The following CTNND2 variants were observed in gnomAD, a reference collection of about 807,000 sequenced individuals.
CTNND2 encodes the protein catenin delta 2, also known as catenin delta-2.
Under a neutral mutation model 144.4 loss-of-function variants are expected in CTNND2, and 22 were observed. The ratio of observed to expected loss-of-function variants is 0.15; its 90% CI spans 0.11 to 0.22. The LOEUF (loss-of-function observed/expected upper bound fraction) is 0.22, where lower values mean the gene tolerates loss of function less well. Ranked by LOEUF, CTNND2 falls within the 10% of genes least tolerant of loss-of-function variation. The pLI is 1.00. For synonymous variants in CTNND2, 751 were observed against 695.6 expected (o/e 1.08, Z -1.25); for missense variants, 1,353 against 1,618.8 (o/e 0.84, Z 2.82).
At chr5:11,246,477 G>A (rs1463568712) in intron 9 of CTNND2, among the ~76,000 whole-genome samples, 1 of 152,048 alleles carries the variant, frequency 6.6e-6, no homozygotes, top group Non-Finnish European at 1.5e-5. Flanking sequence ...CACAAGCCCA[G>A]GGACACCGAG....
intron 16 of CTNND2, among the ~76,000 whole-genome samples, chr5:11,046,859 C>CA (rs1044956991): frequency 5.3e-5 from 8 of 151,884 alleles, no homozygotes; most frequent in Admixed American, 2.6e-4. Flanking sequence ...CAAACAACAA[C>CA]AAAAAAACAG....
intron 3 of CTNND2, among the ~76,000 whole-genome samples, chr5:11,499,826 A>G (rs888815275): frequency 6.6e-6 from 1 of 152,162 alleles, no homozygotes; most frequent in Admixed American, 6.5e-5. Context: ...GTACCTTCCT[A>G]AATTCTCTTT....
intron 13 of CTNND2, among the ~76,000 whole-genome samples, chr5:11,112,202 A>C (rs979585641): frequency 2.4e-4 from 37 of 152,254 alleles, no homozygotes; most frequent in African/African-American, 8.2e-4. Flanking sequence ...CGTGGCTGGC[A>C]GGAGGTGGGA....
At chr5:11,196,047 T>C (rs1359882846) in intron 11 of CTNND2, among the ~76,000 whole-genome samples, 2 of 152,224 alleles carry the variant, frequency 1.3e-5, no homozygotes, top group African/African-American at 4.8e-5. Context: ...TGCATGTTTA[T>C]GCGCTGAATG....
intron 7 of CTNND2, among the ~76,000 whole-genome samples, chr5:11,377,033 C>G (rs1268194899): frequency 1.3e-5 from 2 of 150,724 alleles, no homozygotes; most frequent in African/African-American, 2.4e-5. Flanking sequence ...CACTCAGACC[C>G]TGGTCTCTGT....
intron 16 of CTNND2, among the ~76,000 whole-genome samples, chr5:11,046,760 G>C (rs948245751): frequency 6.6e-6 from 1 of 152,158 alleles, no homozygotes; most frequent in Admixed American, 6.5e-5. Context: ...TGATGCTTCA[G>C]TTAATCACAT....
chr5:11,165,401 A>C (rs1489111042), intron 11 of CTNND2, among the ~76,000 whole-genome samples: 1 of 152,220 alleles, frequency 6.6e-6, no homozygotes, highest in African/African-American at 2.4e-5. Context: ...GATTCACACC[A>C]ATTTTCAGCA....
At chr5:11,543,087 T>A (rs989729965) in intron 3 of CTNND2, among the ~76,000 whole-genome samples, 2 of 152,244 alleles carry the variant, frequency 1.3e-5, no homozygotes, top group Non-Finnish European at 2.9e-5. Context: ...TTCATCTATG[T>A]GACTGCTCAA....
chr5:11,681,565 T>C (rs930181400), intron 2 of CTNND2, among the ~76,000 whole-genome samples: 4 of 152,212 alleles, frequency 2.6e-5, no homozygotes, highest in Non-Finnish European at 4.4e-5. Flanking sequence ...AAAATTCTTT[T>C]TCCAGTCCCA....
chr5:11,710,081 A>G (rs10041174), intron 2 of CTNND2, among the ~76,000 whole-genome samples: 30,680 of 152,040 alleles, frequency 0.2, 4,747 homozygotes, highest in African/African-American at 0.44. Flanking sequence ...AGAGGTGACC[A>G]CAGATAACTC....
chr5:11,248,419 ATAT>A (rs1030921313), intron 9 of CTNND2, among the ~76,000 whole-genome samples: 1 of 152,062 alleles, frequency 6.6e-6, no homozygotes, highest in African/African-American at 2.4e-5. Flanking sequence ...TAGTGTGTAG[ATAT>A]TATATATGTA....
chr5:11,604,011 TTAATTAATAAGCGTA>T (rs1414828877), intron 2 of CTNND2, among the ~76,000 whole-genome samples: 6 of 152,252 alleles, frequency 3.9e-5, no homozygotes, highest in Non-Finnish European at 8.8e-5. Flanking sequence ...ATTTTCCTTT[TTAATTAATAAGCGTA>T]TAATATTAAG....
chr5:11,659,594 C>T (rs548552205), intron 2 of CTNND2, among the ~76,000 whole-genome samples: 13 of 152,210 alleles, frequency 8.5e-5, no homozygotes, highest in Admixed American at 2.6e-4. Context: ...GGAACAAGGA[C>T]TCCTGATGCC....
intron 3 of CTNND2, among the ~76,000 whole-genome samples, chr5:11,442,425 A>C (rs1220090127): frequency 6.6e-6 from 1 of 152,236 alleles, no homozygotes; most frequent in Non-Finnish European, 1.5e-5. Context: ...ACACTGACAG[A>C]ACAAGTAAGC....
At chr5:11,769,695 T>A (rs1789808179) in intron 1 of CTNND2, among the ~76,000 whole-genome samples, 2 of 152,320 alleles carry the variant, frequency 1.3e-5, no homozygotes, top group South Asian at 4.1e-4. Context: ...AGTACATATA[T>A]GCAAATTAAC....
At chr5:11,818,853 G>A (rs1793159041) in intron 1 of CTNND2, among the ~76,000 whole-genome samples, 1 of 152,190 alleles carries the variant, frequency 6.6e-6, no homozygotes, top group South Asian at 2.1e-4. Flanking sequence ...GGTCAACTCT[G>A]GTTTTGGATT....
intron 3 of CTNND2, among the ~76,000 whole-genome samples, chr5:11,517,066 A>C (rs369964988): frequency 3.1e-4 from 47 of 152,328 alleles, no homozygotes; most frequent in African/African-American, 1.1e-3. Flanking sequence ...CCAATATTCC[A>C]GATTTCAGGA....
chr5:11,864,819 G>A (rs933260053), intron 1 of CTNND2, among the ~76,000 whole-genome samples: 16 of 149,988 alleles, frequency 1.1e-4, no homozygotes, highest in Non-Finnish European at 1.9e-4. Context: ...CCACTTGAGA[G>A]CTACTAGTCT....
intron 1 of CTNND2, among the ~76,000 whole-genome samples, chr5:11,835,634 T>C (rs990392967): frequency 2.6e-5 from 4 of 152,226 alleles, no homozygotes; most frequent in African/African-American, 9.6e-5. Flanking sequence ...ATCGTTTTAA[T>C]AGCTGCTTAG....
Sources: allele counts gnomAD v4.1 joint callset (sites outside exome capture counted in the v4.1 genomes callset), GRCh38; gene constraint gnomAD v4.1.1; transcripts MANE v1.5; gene names NCBI Gene and HGNC (gene_info 2026-07-23, HGNC 2026-07-21).